Variants in MRTFB observed in about 807,000 individuals in gnomAD.
MRTFB encodes the protein myocardin-related transcription factor B.
MRTFB carries 29 observed loss-of-function variants against 104.2 expected under a neutral mutation model. The observed-to-expected ratio is 0.28, with a 90% CI of 0.21 to 0.38. The LOEUF (loss-of-function observed/expected upper bound fraction) is 0.38, where lower values mean the gene tolerates loss of function less well. Among genes scored for constraint, MRTFB ranks in the 10% least tolerant of loss-of-function variants. MRTFB has a pLI of 1.00. For missense variants in MRTFB, 1,270 were observed against 1,341.6 expected, an observed-to-expected ratio of 0.95 and a Z score of 0.83; for synonymous variants, 535 against 519.5, an observed-to-expected ratio of 1.03 and a Z score of -0.41.
intron 15 of MRTFB, among the ~76,000 whole-genome samples, chr16:14,256,874 T>G (rs2043516560): frequency 6.6e-6 from 1 of 152,158 alleles, no homozygotes; most frequent in Non-Finnish European, 1.5e-5. Context: ...AGTAAATGGC[T>G]GGAAAAAGAT....
Position 14,252,014 on chromosome 16 carries a change from A to C in MRTFB, c.2556A>C (p.Thr852=), listed in dbSNP as rs1483154779. 1.2e-6 allele frequency: 2 copies of C among 1,613,948 alleles called. No individual in the cohort carries two copies. The highest frequency in any genetic ancestry group is 1.7e-6 in the Non-Finnish European group (2 of 1,180,008). The change falls in exon 14 of 17, where the codon ACA becomes ACC. Residue 852 remains threonine, a synonymous_variant. Transcript: ENST00000571589. ...PLPSLQNGPN[T]PNKPSSPPPP... ...CATCCCTGCAAAATGGACCTAACAC[A>C]CCCAACAAGGTAACCCTGTGAGGCT...
At chr16:14,047,524 A>T in the MRTFB span, among the ~76,000 whole-genome samples, 1 of 152,188 alleles carries the variant, frequency 6.6e-6, no homozygotes, top group Non-Finnish European at 1.5e-5. Context: ...GACATACCTG[A>T]GACTGGGTAA....
rs933777992 is a variant in MRTFB, at chr16:14,260,768, A to G, written c.2765-141A>G. 4.5e-6 allele frequency: 3 copies of G among 670,168 alleles called. No homozygotes were observed. The African/African-American group carries it at 5.5e-5, about 12-fold the overall frequency. The allele number at this position is 670,168 out of a possible 1,614,324, so 41.5% of individuals were successfully genotyped here. ...AGGTTGTCAAGGATTGTACCTGACC[A>G]ATAGCATTCTCTTCCTACTTCTAAG... On this transcript the variant is annotated intron_variant, in intron 16 of 16. Coordinates refer to ENST00000571589, the MANE Select transcript of MRTFB (RefSeq NM_001308142.2).
the MRTFB span, among the ~76,000 whole-genome samples, chr16:14,010,713 A>G: frequency 6.6e-6 from 1 of 152,230 alleles, no homozygotes; most frequent in Non-Finnish European, 1.5e-5. Context: ...GGCATGAGCC[A>G]CCATGCCTGG....
At chr16:14,190,401 T>C (rs2040128018) in intron 3 of MRTFB, among the ~76,000 whole-genome samples, 2 of 152,296 alleles carry the variant, frequency 1.3e-5, no homozygotes, top group South Asian at 4.1e-4. Flanking sequence ...ACATGACAAC[T>C]GAAGAGTTGA....
chr16:14,164,281 T>C (rs2039150746), intron 3 of MRTFB, among the ~76,000 whole-genome samples: 1 of 152,202 alleles, frequency 6.6e-6, no homozygotes, highest in Non-Finnish European at 1.5e-5. Context: ...CTCCTTAAGA[T>C]CAACTTTTTT....
chr16:14,238,383 G>A (rs762959236), intron 9 of MRTFB, among the ~76,000 whole-genome samples: 8 of 152,120 alleles, frequency 5.3e-5, no homozygotes, highest in Non-Finnish European at 8.8e-5. Context: ...AAGGAGGGAA[G>A]TGAGGAACAT....
chr16:14,004,632 G>T, the MRTFB span, among the ~76,000 whole-genome samples: 2 of 152,166 alleles, frequency 1.3e-5, no homozygotes, highest in Non-Finnish European at 2.9e-5. Flanking sequence ...ATGACATTGA[G>T]ACCTGAGCCA....
chr16:14,036,258 T>TTA, the MRTFB span, among the ~76,000 whole-genome samples: 7 of 121,806 alleles, frequency 5.7e-5, no homozygotes, highest in South Asian at 2.5e-4. Flanking sequence ...ATACTATATA[T>TTA]TATATATATA....
intron 3 of MRTFB, among the ~76,000 whole-genome samples, chr16:14,199,835 T>C (rs1239955824): frequency 6.6e-6 from 1 of 152,208 alleles, no homozygotes; most frequent in Non-Finnish European, 1.5e-5. Flanking sequence ...TATTTCCCCA[T>C]TGAGTCAGAA....
chr16:14,161,858 T>C (rs770861932), intron 3 of MRTFB, among the ~76,000 whole-genome samples: 3 of 152,080 alleles, frequency 2.0e-5, no homozygotes, highest in Non-Finnish European at 2.9e-5. Flanking sequence ...GACTAAAATA[T>C]GAAAAAGAAA....
chr16:14,245,591 A>AC lies in MRTFB; in HGVS notation c.1145dup (p.Arg383LysfsTer17). 6.2e-7 allele frequency: 1 copy of AC among 1,614,176 alleles called. No homozygotes were observed. ...CTTTGAACAATGCCACACCTAACAC[A>AC]CCAAGACAGAATACATCTACTCCTG... On this transcript the variant is annotated frameshift_variant, in exon 11 of 17. Coordinates refer to ENST00000571589, the MANE Select transcript of MRTFB (RefSeq NM_001308142.2). LOFTEE classifies it high-confidence loss of function.
At chr16:14,236,231 G>A (rs1469774229) in intron 9 of MRTFB, among the ~76,000 whole-genome samples, 1 of 152,202 alleles carries the variant, frequency 6.6e-6, no homozygotes, top group Non-Finnish European at 1.5e-5. Flanking sequence ...AACGAAATAA[G>A]AAGGTAAATA....
At chr16:14,228,033 A>G (rs1379124673) in intron 8 of MRTFB, among the ~76,000 whole-genome samples, 1 of 152,172 alleles carries the variant, frequency 6.6e-6, no homozygotes, top group Non-Finnish European at 1.5e-5. Flanking sequence ...AGCATCTAAC[A>G]AGATACTGGA....
At chr16:14,236,652 A>G (rs549098617) in intron 9 of MRTFB, among the ~76,000 whole-genome samples, 2 of 152,190 alleles carry the variant, frequency 1.3e-5, no homozygotes, top group Admixed American at 6.5e-5. Context: ...ATATCTATCT[A>G]TGGGAAGAAA....
At chr16:14,195,168 C>T (rs1040805371) in intron 3 of MRTFB, among the ~76,000 whole-genome samples, 9 of 152,144 alleles carry the variant, frequency 5.9e-5, no homozygotes, top group Middle Eastern at 3.4e-3. Flanking sequence ...GTTTAAACAC[C>T]GAAAACATCC....
intron 2 of MRTFB, among the ~76,000 whole-genome samples, chr16:14,083,446 C>T (rs569167290): frequency 6.6e-6 from 1 of 152,286 alleles, no homozygotes; most frequent in East Asian, 1.9e-4. Context: ...TACAGGCTTC[C>T]ACCTGGCTCC....
chr16:14,191,407 C>G (rs75501807), intron 3 of MRTFB, among the ~76,000 whole-genome samples: 6,445 of 152,304 alleles, frequency 0.042, 415 homozygotes, highest in African/African-American at 0.14. Context: ...GCACTTGATC[C>G]CATCAGCTAA....
chr16:14,255,024 G>GA (rs113854228), intron 15 of MRTFB, among the ~76,000 whole-genome samples: 10,852 of 152,128 alleles, frequency 0.071, 1,008 homozygotes, highest in African/African-American at 0.21. Flanking sequence ...TATCTGAAAT[G>GA]AAAAAAATAT....
Sources: allele counts gnomAD v4.1 joint callset (sites outside exome capture counted in the v4.1 genomes callset), GRCh38; gene constraint gnomAD v4.1.1; transcripts MANE v1.5; gene names NCBI Gene and HGNC (gene_info 2026-07-23, HGNC 2026-07-21).